Variants in RPS6KA2 observed in about 807,000 individuals in gnomAD.
RPS6KA2 encodes the protein ribosomal protein S6 kinase A2.
RPS6KA2 carries 42 observed loss-of-function variants against 91.8 expected under a neutral mutation model. The observed-to-expected ratio is 0.46, with a 90% CI of 0.36 to 0.59. The LOEUF is 0.59. RPS6KA2 is among the 20% of genes least tolerant of loss of function. The pLI is 0.00. For synonymous variants in RPS6KA2, 414 were observed against 393.6 expected, an observed-to-expected ratio of 1.05 and a Z score of -0.61; for missense variants, 798 against 978.5, an observed-to-expected ratio of 0.82 and a Z score of 2.46.
At chr6:166,443,089 A>T (rs994730393) in intron 14 of RPS6KA2, among the ~76,000 whole-genome samples, 9 of 152,354 alleles carry the variant, frequency 5.9e-5, no homozygotes, top group Non-Finnish European at 1.0e-4. Context: ...ATAATTATAC[A>T]ATTATATACT....
chr6:166,423,569 GTCTTCTCCAGAGGGCCCCCCA>G lies in RPS6KA2; in HGVS notation c.1582-173_1582-153del, dbSNP rs1778806694. 1.4e-6 allele frequency: 1 copy of G among 689,952 alleles called. No homozygotes were observed. Among genetic ancestry groups the G allele is most frequent in the African/African-American group, 1.8e-5 (1 of 54,856 alleles). The allele number at this position is 689,952 out of a possible 1,614,324, so 42.7% of individuals were successfully genotyped here. A position where few individuals can be genotyped will look rare whatever the true frequency, so the allele number is the denominator to read the frequency against. On this transcript the variant is annotated intron_variant, in intron 16 of 20. Transcript: ENST00000265678. The surrounding 1 kb of genome is among the most constrained non-coding windows in gnomAD (Gnocchi z 4.8). ...CAGGCCAACAGTGTCAACAGCTGCT[GTCTTCTCCAGAGGGCCCCCCA>G]CCTTCTCCCATTCTCCTGTGGTGGT... is the stretch of plus-strand genomic sequence containing the variant.
At chr6:166,697,923 G>A (rs149868315) in intron 2 of RPS6KA2, among the ~76,000 whole-genome samples, 13 of 152,272 alleles carry the variant, frequency 8.5e-5, no homozygotes, top group East Asian at 3.9e-4. Context: ...AGGACTCGGC[G>A]GCTGTATGTG....
intron 2 of RPS6KA2, among the ~76,000 whole-genome samples, chr6:166,747,736 C>T (rs947653900): frequency 6.6e-5 from 10 of 152,200 alleles, no homozygotes; most frequent in Non-Finnish European, 7.3e-5. Context: ...CTGGTGTGTG[C>T]GTGGATGCTG....
chr6:166,585,432 T>C (rs917303144), intron 1 of RPS6KA2, among the ~76,000 whole-genome samples: 2 of 152,024 alleles, frequency 1.3e-5, no homozygotes, highest in Non-Finnish European at 2.9e-5. Context: ...CTTATAATTG[T>C]GTGCAATTGT....
At chr6:166,788,465 A>G (rs76200254) in intron 2 of RPS6KA2, among the ~76,000 whole-genome samples, 45,429 of 152,172 alleles carry the variant, frequency 0.3, 7,048 homozygotes, top group Middle Eastern at 0.34. Flanking sequence ...GACTGGATAA[A>G]GAAAATGTGG....
At chr6:166,486,240 C>T (rs1781403082) in intron 10 of RPS6KA2, among the ~76,000 whole-genome samples, 1 of 62,472 alleles carries the variant, frequency 1.6e-5, no homozygotes, top group African/African-American at 8.0e-5. Flanking sequence ...GCCATGAACC[C>T]CACACACAGC....
chr6:166,707,209 C>G (rs558266020), intron 2 of RPS6KA2, among the ~76,000 whole-genome samples: 1 of 152,168 alleles, frequency 6.6e-6, no homozygotes, highest in Non-Finnish European at 1.5e-5. Flanking sequence ...CCGGGGTTGC[C>G]GGGAAGGGGG....
At chr6:166,758,827 G>A (rs749011314) in intron 2 of RPS6KA2, among the ~76,000 whole-genome samples, 109 of 152,138 alleles carry the variant, frequency 7.2e-4, no homozygotes, top group Non-Finnish European at 5.4e-4. Flanking sequence ...GCTAAAAGAC[G>A]GGGCCCTGTC....
intron 2 of RPS6KA2, among the ~76,000 whole-genome samples, chr6:166,736,449 AT>A (rs1790670985): frequency 6.6e-6 from 1 of 152,220 alleles, no homozygotes; most frequent in African/African-American, 2.4e-5. Context: ...ACTTAGTGTC[AT>A]TAACAGATTG....
intron 2 of RPS6KA2, among the ~76,000 whole-genome samples, chr6:166,800,793 C>G (rs142309784): frequency 6.6e-6 from 1 of 152,196 alleles, no homozygotes; most frequent in Non-Finnish European, 1.5e-5. Flanking sequence ...TCAACTCAAT[C>G]GTTTCCTTAA....
At chr6:166,651,483 TG>T (rs1787853785) in intron 2 of RPS6KA2, among the ~76,000 whole-genome samples, 7 of 152,232 alleles carry the variant, frequency 4.6e-5, no homozygotes, top group Admixed American at 4.6e-4. Context: ...TGGGCTCTTT[TG>T]TTGCTTAGCT....
In RPS6KA2 at chr6:166,825,180, TG is replaced by T. The variant is rs1435731245; in HGVS notation, c.123+33019del. Among the ~76,000 whole-genome samples, 2 of 151,896 alleles carry T rather than the reference TG, an allele frequency of 1.3e-5. No homozygotes were observed. Among genetic ancestry groups the T allele is most frequent in the African/African-American group, 2.4e-5 (1 of 41,330 alleles). ...CAGAGCAGAGCGGGCTCCCCACAAA[TG>T]GGGGCTCTGAGTTGAGGGGTGCTGG... is the stretch of plus-strand genomic sequence containing the variant. On this transcript the variant is annotated intron_variant, in intron 2 of 21. Transcript: ENST00000503859. The surrounding 1 kb of genome is among the most constrained non-coding windows in gnomAD (Gnocchi z 4.1).
rs151295828 is a variant in RPS6KA2 at position 166,787,764 on chromosome 6, G to A, written c.123+70436C>T. ...AACACCATTCAGGACATGGGCATGC[G>A]CAAAAACTTCATGACTAAAACACCA... On this transcript the variant is annotated intron_variant, in intron 2 of 21. Coordinates refer to the RPS6KA2 transcript ENST00000503859. 2.3e-3 allele frequency among the ~76,000 whole-genome samples: 357 copies of A among 152,152 alleles called. 7 individuals are homozygous for A. The South Asian group carries it at 0.05, about 21-fold the overall frequency.
At chr6:166,811,461 C>CA (rs1013492355) in intron 2 of RPS6KA2, among the ~76,000 whole-genome samples, 1 of 152,122 alleles carries the variant, frequency 6.6e-6, no homozygotes, top group African/African-American at 2.4e-5. Context: ...TCCATCTCTA[C>CA]AAAAAACTAT....
chr6:166,780,747 T>A (rs1273326931), intron 2 of RPS6KA2, among the ~76,000 whole-genome samples: 1 of 152,226 alleles, frequency 6.6e-6, no homozygotes, highest in Admixed American at 6.5e-5. Flanking sequence ...AGTTTTCATC[T>A]GCACCTGTAG....
chr6:166,466,788 T>A lies in RPS6KA2; in HGVS notation c.972+3053A>T, dbSNP rs182909609. ...CTGATTCACTGACTCATTCACTTAT[T>A]CATTTGCTCGTTCACTCACTCCCTC... On this transcript the variant is annotated intron_variant, in intron 11 of 20. Coordinates refer to ENST00000265678, the MANE Select transcript of RPS6KA2 (RefSeq NM_021135.6). 5.3e-5 allele frequency among the ~76,000 whole-genome samples: 8 copies of A among 152,352 alleles called. No homozygotes were observed. In the East Asian group the frequency reaches 1.5e-3, roughly 29 times the overall value.
At position 166,557,853 on chromosome 6, in the gene RPS6KA2, A is replaced by C. The variant is rs1427594251; in HGVS notation, c.100-19069T>G. Among the ~76,000 whole-genome samples, 1 of 152,168 alleles carries C rather than the reference A, an allele frequency of 6.6e-6. No individual in the cohort carries two copies. The highest frequency in any genetic ancestry group is 2.4e-5 in the African/African-American group (1 of 41,430). On this transcript the variant is annotated intron_variant, in intron 1 of 20. Coordinates refer to ENST00000265678, the MANE Select transcript of RPS6KA2 (RefSeq NM_021135.6). The surrounding 1 kb of genome is among the most constrained non-coding windows in gnomAD (Gnocchi z 4.8). Reference sequence around the variant, plus strand: ...ACATTTTAGCCCCAGTTCACCATCCAAATAGAAAGCCTGTTACACCAGTGT... The same window carrying C: ...ACATTTTAGCCCCAGTTCACCATCCCAATAGAAAGCCTGTTACACCAGTGT...
At position 166,746,009 on chromosome 6, in the gene RPS6KA2, G is replaced by A. The variant is rs1790996755; in HGVS notation, c.123+112191C>T. 2.0e-5 allele frequency among the ~76,000 whole-genome samples: 3 copies of A among 152,230 alleles called. No individual in the cohort carries two copies. The South Asian group carries it at 6.2e-4, about 32-fold the overall frequency. ...ACTCGCTCACATCTGAGCCAGCGGTGCTGCTGTGAGTCTCTAAGAAGTATC... is the reference window on the plus strand; with the variant it reads ...ACTCGCTCACATCTGAGCCAGCGGTACTGCTGTGAGTCTCTAAGAAGTATC... On this transcript the variant is annotated intron_variant, in intron 2 of 21. Coordinates refer to the RPS6KA2 transcript ENST00000503859.
intron 2 of RPS6KA2, among the ~76,000 whole-genome samples, chr6:166,673,432 C>G (rs901313159): frequency 6.6e-6 from 1 of 152,166 alleles, no homozygotes; most frequent in Non-Finnish European, 1.5e-5. Flanking sequence ...CAACAAGGAC[C>G]CTGGAGGAGA....
Sources: gnomAD v4.1 joint callset for allele counts (sites outside exome capture counted in the v4.1 genomes callset) on GRCh38, gnomAD v4.1.1 for gene constraint, Gnocchi (gnomAD v3.1) non-coding constraint, MANE v1.5 for transcripts, NCBI Gene and HGNC (gene_info 2026-07-23, HGNC 2026-07-21) for gene names.